TXNDC12: variants seen among roughly 807,000 people sequenced by gnomAD.
TXNDC12 encodes thioredoxin domain containing 12.
A neutral mutation model predicts 24.2 loss-of-function variants in TXNDC12; 22 were observed. The observed-to-expected ratio is 0.91, with a 90% CI of 0.65 to 1.30. The LOEUF (loss-of-function observed/expected upper bound fraction) is 1.30. Among genes scored for constraint, TXNDC12 ranks in the 50% most tolerant of loss-of-function variants. TXNDC12 has a pLI of 0.00. For synonymous variants in TXNDC12, 58 were observed against 73.4 expected (o/e 0.79, Z 1.07); for missense variants, 184 against 205.8 (o/e 0.89, Z 0.65).
intron 2 of TXNDC12, among the ~76,000 whole-genome samples, chr1:52,038,603 C>A (rs1359247314): frequency 6.6e-6 from 1 of 152,190 alleles, no homozygotes; most frequent in South Asian, 2.1e-4. Flanking sequence ...ACACTGCGCC[C>A]AGCCTGTCTT....
In TXNDC12 at chr1:52,027,356, GA is replaced by G. The variant is rs1469106677; in HGVS notation, c.212-9del. ...CAAATTTGGGCTTTAGAGCTGGGGG[GA>G]AAAAGATTTTGGAATAGAAGAAAAA... On this transcript the variant is annotated splice_polypyrimidine_tract_variant and intron_variant, in intron 3 of 6. Coordinates refer to ENST00000371626, the MANE Select transcript of TXNDC12 (RefSeq NM_015913.4). 1.2e-5 allele frequency: 19 copies of G among 1,603,926 alleles called. No individual in the cohort carries two copies. The highest frequency in any genetic ancestry group is 2.7e-5 in the African/African-American group (2 of 74,546).
intron 1 of TXNDC12, chr1:52,044,038 G>C (rs1206111188): frequency 6.6e-6 from 1 of 152,158 alleles, no homozygotes; most frequent in African/African-American, 2.4e-5. Flanking sequence ...ATGCCCAGGA[G>C]AACTGCAAGG....
rs890121320 is a variant in TXNDC12, at chr1:52,034,135, C to G, written c.159-5505G>C. Reference sequence around the variant, plus strand: ...TAATAAATGCTGGTTCTCCTTCATTCCTCCTCTTAAACCTACTGGCTCTCA... The same window carrying G: ...TAATAAATGCTGGTTCTCCTTCATTGCTCCTCTTAAACCTACTGGCTCTCA... On this transcript the variant is annotated intron_variant, in intron 2 of 6. Coordinates refer to ENST00000371626, the MANE Select transcript of TXNDC12 (RefSeq NM_015913.4). The G allele has an allele frequency of 1.1e-5, 12 of 1,055,382 alleles. No individual in the cohort carries two copies. In the East Asian group the frequency reaches 3.8e-4, roughly 33 times the overall value. 65.4% of individuals were successfully genotyped at this position (1,055,382 alleles called of 1,614,324 possible). A position where few individuals can be genotyped will look rare whatever the true frequency, so the allele number is the denominator to read the frequency against.
Position 52,023,517 on chromosome 1 carries a change from T to A in TXNDC12, c.413A>T (p.Lys138Met). The A allele has an allele frequency of 5.6e-6, 9 of 1,614,128 alleles. No individual in the cohort carries two copies. The highest frequency in any genetic ancestry group is 7.6e-6 in the Non-Finnish European group (9 of 1,179,962). The stretch of plus-strand genomic sequence containing the variant: ...TTGCTCGGCACTGACATAAAAATAC[T>A]TGTAGCTGGGGTTTCCATTCTCATT... Reference protein sequence around the residue: ...IINENGNPSYKYFYVSAEQVV... With the variant: ...IINENGNPSYMYFYVSAEQVV... Residue 138 changes from lysine to methionine, a missense_variant, in exon 6 of 7, where the codon AAG (lysine) becomes ATG (methionine). Lys to Met is a moderately conservative substitution (Grantham distance 95). Transcript: ENST00000371626.
At position 52,024,434 on chromosome 1, in the gene TXNDC12, A is replaced by G. The variant is rs113675999; in HGVS notation, c.355+76T>C. The G allele has an allele frequency of 1.9e-5, 22 of 1,129,394 alleles. No homozygotes were observed. The African/African-American group carries it at 2.1e-4, about 11-fold the overall frequency. The allele number at this position is 1,129,394 out of a possible 1,614,324, so 70.0% of individuals were successfully genotyped here. On this transcript the variant is annotated intron_variant, in intron 5 of 6. Transcript: ENST00000371626. ...GTGGTCATCCTGGTATAGTTTCACT[A>G]GGTGAAGTCAGTGCCTTGATTCATT...
At chr1:52,056,161 C>T (rs1337891863), upstream of TXNDC12, 2 of 152,410 alleles carry the variant, frequency 1.3e-5, no homozygotes, top group Non-Finnish European at 2.9e-5. Flanking sequence ...GCACCTGCCG[C>T]CACTAGCACT....
At chr1:52,039,447 C>A (rs1287159232) in intron 2 of TXNDC12, among the ~76,000 whole-genome samples, 1 of 152,058 alleles carries the variant, frequency 6.6e-6, no homozygotes, top group Non-Finnish European at 1.5e-5. Flanking sequence ...CCTGCCTCAG[C>A]CTCCCAAGTA....
chr1:52,055,929 C>T (rs988946326), upstream of TXNDC12: 1 of 152,306 alleles, frequency 6.6e-6, no homozygotes, highest in South Asian at 2.1e-4. Flanking sequence ...TTTTCCCCTT[C>T]GCTGTATAAC....
At chr1:52,032,099 C>A in intron 2 of TXNDC12, 1 of 936,468 alleles carries the variant, frequency 1.1e-6, no homozygotes, top group Non-Finnish European at 1.3e-6. Context: ...GAAAGAGATT[C>A]CAGTAGACTA....
At chr1:52,035,603 T>C (rs956946177) in intron 2 of TXNDC12, among the ~76,000 whole-genome samples, 6 of 152,106 alleles carry the variant, frequency 3.9e-5, no homozygotes, top group Non-Finnish European at 1.5e-5. Context: ...ATCCCATTAC[T>C]GAGGAGGCTG....
intron 1 of TXNDC12, among the ~76,000 whole-genome samples, chr1:52,042,409 T>C (rs970837668): frequency 2.0e-5 from 3 of 151,892 alleles, no homozygotes; most frequent in African/African-American, 7.3e-5. Context: ...CTCTCCAGCC[T>C]CACTTTCCAC....
At chr1:52,039,558 T>C (rs187415198) in intron 2 of TXNDC12, among the ~76,000 whole-genome samples, 4 of 152,296 alleles carry the variant, frequency 2.6e-5, no homozygotes, top group Admixed American at 1.3e-4. Context: ...CTCGAACTCC[T>C]GACCTCAAGT....
At chr1:52,028,451 C>A in intron 3 of TXNDC12, 127 bp downstream of exon 3, 1 of 708,488 alleles carries the variant, frequency 1.4e-6, no homozygotes, top group South Asian at 2.0e-5. Flanking sequence ...AAATCTATGT[C>A]ATATGTTTCT....
intron 1 of TXNDC12, chr1:52,044,031 C>G (rs1011270960): frequency 1.3e-5 from 2 of 152,132 alleles, no homozygotes; most frequent in African/African-American, 2.4e-5. Context: ...TGAGAGGATG[C>G]CCAGGAGAAC....
rs869028968 is a variant in TXNDC12 at position 52,046,866 on chromosome 1, A to AATATAT, written c.98-5275_98-5270dup. 5.6e-4 allele frequency among the ~76,000 whole-genome samples: 17 copies of AATATAT among 30,160 alleles called. No individual in the cohort carries two copies. In the East Asian group the frequency reaches 7.0e-3, roughly 12 times the overall value. The allele number at this position is 30,160 out of a possible 152,430, so 19.8% of individuals were successfully genotyped here. ...CCCCATCTCTACTAAAAAAAAAAAA[A>AATATAT]ATATATATATATATATATATATATA... is the stretch of plus-strand genomic sequence containing the variant. On this transcript the variant is annotated intron_variant, in intron 1 of 6. Coordinates refer to ENST00000371626, the MANE Select transcript of TXNDC12 (RefSeq NM_015913.4).
intron 1 of TXNDC12, among the ~76,000 whole-genome samples, chr1:52,050,457 A>G (rs531461280): frequency 2.6e-5 from 4 of 152,196 alleles, no homozygotes; most frequent in Non-Finnish European, 5.9e-5. Context: ...AAAAGCAACC[A>G]TTTCTAAACA....
chr1:52,022,890 C>T (rs1160218240), intron 6 of TXNDC12, among the ~76,000 whole-genome samples: 3 of 152,128 alleles, frequency 2.0e-5, no homozygotes, highest in African/African-American at 4.8e-5. Context: ...CCTCCCGCCT[C>T]GGCCTCCCAA....
At chr1:52,024,207 C>T (rs1685641426) in intron 5 of TXNDC12, among the ~76,000 whole-genome samples, 1 of 152,132 alleles carries the variant, frequency 6.6e-6, no homozygotes, top group South Asian at 2.1e-4. Flanking sequence ...GTTGCCCATG[C>T]TGGTCTCAAA....
chr1:52,051,381 A>AT (rs1264617087), intron 1 of TXNDC12, among the ~76,000 whole-genome samples: 71 of 141,410 alleles, frequency 5.0e-4, no homozygotes, highest in African/African-American at 1.5e-3. Context: ...TAATTTATTT[A>AT]TTTATTTTTT....
Sources: gnomAD v4.1 joint callset for allele counts (sites outside exome capture counted in the v4.1 genomes callset) on GRCh38, gnomAD v4.1.1 for gene constraint, MANE v1.5 for transcripts, NCBI Gene and HGNC (gene_info 2026-07-23, HGNC 2026-07-21) for gene names.